NAALADL2: variants seen among roughly 807,000 people sequenced by gnomAD.
The protein encoded by NAALADL2 is N-acetylated alpha-linked acidic dipeptidase like 2.
In NAALADL2, 76 loss-of-function variants were observed where a neutral mutation model predicts 87.2. That is an observed-to-expected ratio of 0.87 (90% CI 0.72 to 1.05). The LOEUF (loss-of-function observed/expected upper bound fraction) is 1.05. Ranked by LOEUF, NAALADL2 falls within the 50% of genes least tolerant of loss-of-function variation. The pLI is 0.00. For synonymous variants in NAALADL2, 354 were observed against 331.0 expected (o/e 1.07, Z -0.75); for missense variants, 1,089 against 945.8 (o/e 1.15, Z -1.99).
intron 2 of NAALADL2, among the ~76,000 whole-genome samples, chr3:174,701,939 C>G (rs1729592063): frequency 6.6e-6 from 1 of 152,148 alleles, no homozygotes; most frequent in Admixed American, 6.6e-5. Flanking sequence ...ATGTTTATTT[C>G]TCTTAAATAA....
intron 9 of NAALADL2, among the ~76,000 whole-genome samples, chr3:175,550,045 A>C (rs1714081671): frequency 3.9e-5 from 6 of 152,082 alleles, no homozygotes; most frequent in Admixed American, 3.9e-4. Flanking sequence ...CAAAGAAAAA[A>C]GGGGTTTAAG....
At chr3:174,674,483 G>T (rs1726859900) in intron 2 of NAALADL2, among the ~76,000 whole-genome samples, 1 of 151,660 alleles carries the variant, frequency 6.6e-6, no homozygotes, top group African/African-American at 2.4e-5. Context: ...AAGGGATGAT[G>T]TCCCATTTCT....
intron 1 of NAALADL2, among the ~76,000 whole-genome samples, chr3:174,960,747 A>T (rs1399260259): frequency 6.6e-6 from 1 of 152,070 alleles, no homozygotes; most frequent in East Asian, 1.9e-4. Flanking sequence ...GATTTTCTGA[A>T]AACCAGTGCA....
chr3:175,011,591 A>G (rs1320907900), intron 1 of NAALADL2, among the ~76,000 whole-genome samples: 2 of 152,202 alleles, frequency 1.3e-5, no homozygotes, highest in African/African-American at 4.8e-5. Flanking sequence ...TCTGGCCTAT[A>G]GCTCAGCTTA....
upstream of NAALADL2, among the ~76,000 whole-genome samples, chr3:174,855,994 A>G (rs1220685181): frequency 1.4e-3 from 204 of 150,680 alleles, no homozygotes; most frequent in African/African-American, 4.7e-3. Flanking sequence ...ATATATATAT[A>G]TATATATATG....
At chr3:175,333,754 A>G (rs1366876751) in intron 5 of NAALADL2, among the ~76,000 whole-genome samples, 1 of 152,182 alleles carries the variant, frequency 6.6e-6, no homozygotes, top group Non-Finnish European at 1.5e-5. Flanking sequence ...ATAATTTCTA[A>G]CATTCAGTAT....
chr3:174,995,752 A>G (rs1747353456), intron 1 of NAALADL2, among the ~76,000 whole-genome samples: 1 of 151,910 alleles, frequency 6.6e-6, no homozygotes, highest in Non-Finnish European at 1.5e-5. Flanking sequence ...TATGCCTTAA[A>G]CCTTAACCTT....
At chr3:175,338,451 CA>C (rs1647730692) in intron 5 of NAALADL2, among the ~76,000 whole-genome samples, 1 of 151,746 alleles carries the variant, frequency 6.6e-6, no homozygotes, top group Admixed American at 6.6e-5. Context: ...GAGTTGGGGA[CA>C]ACTTTGCCAT....
intron 2 of NAALADL2, among the ~76,000 whole-genome samples, chr3:175,122,647 TG>T (rs1342773641): frequency 2.0e-5 from 3 of 151,768 alleles, no homozygotes; most frequent in Non-Finnish European, 2.9e-5. Context: ...TGCTTATATC[TG>T]GGGTTTGCTT....
intron 11 of NAALADL2, among the ~76,000 whole-genome samples, chr3:175,727,740 A>G (rs1743123087): frequency 6.6e-6 from 1 of 152,144 alleles, no homozygotes; most frequent in Non-Finnish European, 1.5e-5. Context: ...TTTCTCCTCC[A>G]ACTATTGGCC....
chr3:175,578,403 AGCCTGGGT>A (rs1442986500), intron 10 of NAALADL2, among the ~76,000 whole-genome samples: 1 of 152,148 alleles, frequency 6.6e-6, no homozygotes, highest in Non-Finnish European at 1.5e-5. Flanking sequence ...ACTGCACTCC[AGCCTGGGT>A]GACAGAGTGA....
chr3:175,643,978 A>AT (rs1449910675), intron 11 of NAALADL2, among the ~76,000 whole-genome samples: 4 of 151,544 alleles, frequency 2.6e-5, no homozygotes, highest in Admixed American at 2.0e-4. Context: ...TTGTTCTTTG[A>AT]TTTTTTCCAG....
intron 1 of NAALADL2, among the ~76,000 whole-genome samples, chr3:174,480,641 A>G (rs1223801402): frequency 6.6e-6 from 1 of 152,116 alleles, no homozygotes; most frequent in African/African-American, 2.4e-5. Context: ...TTAATCATAT[A>G]CATTCTTAAT....
chr3:175,440,317 G>A lies in NAALADL2; in HGVS notation c.1091-6912G>A, dbSNP rs557639164. Among the ~76,000 whole-genome samples, 352 of 152,204 alleles carry A rather than the reference G, an allele frequency of 2.3e-3. 1 individual carries two copies. Among genetic ancestry groups the A allele is most frequent in the African/African-American group, 8.1e-3 (338 of 41,534 alleles). Reference sequence around the variant, plus strand: ...ATAGCATAGTTTGAAGTCAGGTAAGGTAATGCCTCCAGATTTGTTCTTTTT... The same window carrying A: ...ATAGCATAGTTTGAAGTCAGGTAAGATAATGCCTCCAGATTTGTTCTTTTT... On this transcript the variant is annotated intron_variant, in intron 5 of 13. Coordinates refer to ENST00000454872, the MANE Select transcript of NAALADL2 (RefSeq NM_207015.3).
At chr3:174,620,412 C>T (rs1452919676) in intron 2 of NAALADL2, among the ~76,000 whole-genome samples, 3 of 151,882 alleles carry the variant, frequency 2.0e-5, no homozygotes, top group Non-Finnish European at 4.4e-5. Context: ...ACATGAACTA[C>T]TTTCAGTTTA....
chr3:175,765,220 T>G (rs2150159342), intron 13 of NAALADL2, among the ~76,000 whole-genome samples: 1 of 152,266 alleles, frequency 6.6e-6, no homozygotes, highest in East Asian at 1.9e-4. Context: ...ACCTGGCTCA[T>G]ATAAAAAATC....
At chr3:175,390,535 G>C (rs193001158) in intron 5 of NAALADL2, among the ~76,000 whole-genome samples, 93 of 152,242 alleles carry the variant, frequency 6.1e-4, no homozygotes, top group Non-Finnish European at 1.2e-3. Context: ...GGCTAAACAA[G>C]GGGAAAATGG....
intron 2 of NAALADL2, among the ~76,000 whole-genome samples, chr3:174,717,349 C>A (rs146367889): frequency 1.3e-5 from 2 of 152,202 alleles, no homozygotes; most frequent in East Asian, 3.9e-4. Flanking sequence ...CAGAGACTTT[C>A]AGTTTGTCGG....
Position 174,685,914 on chromosome 3 carries a change from C to T in NAALADL2, c.-114-51727C>T, listed in dbSNP as rs574445753. Among the ~76,000 whole-genome samples the T allele has an allele frequency of 2.3e-4, 34 of 149,458 alleles. No individual in the cohort carries two copies. The South Asian group carries it at 5.1e-3, about 23-fold the overall frequency. On this transcript the variant is annotated intron_variant, in intron 2 of 3. Coordinates refer to the NAALADL2 transcript ENST00000434257. ...TCTCCCATGTATAAGTGAGAACATG[C>T]GGTATTGGTTTTCTGTTCCTGTGTT...
Sources: gnomAD v4.1 joint callset for allele counts (sites outside exome capture counted in the v4.1 genomes callset) on GRCh38, gnomAD v4.1.1 for gene constraint, MANE v1.5 for transcripts, NCBI Gene and HGNC (gene_info 2026-07-23, HGNC 2026-07-21) for gene names.